PLAC8: variants seen among roughly 807,000 people sequenced by gnomAD.
PLAC8 encodes the protein placenta-specific gene 8 protein.
A neutral mutation model predicts 12.6 loss-of-function variants in PLAC8; 6 were observed. The observed-to-expected ratio is 0.48, with a 90% CI of 0.26 to 0.94. The LOEUF (loss-of-function observed/expected upper bound fraction) is 0.94. PLAC8 is among the 40% of genes least tolerant of loss of function. The pLI, the probability that PLAC8 is intolerant of heterozygous loss-of-function variation, is 0.14. For missense variants in PLAC8, 122 were observed against 152.7 expected (o/e 0.80, Z 1.06); for synonymous variants, 54 against 52.6 (o/e 1.03, Z -0.11).
At chr4:83,093,853 C>T (rs937023816) in intron 4 of PLAC8, 31 of 152,246 alleles carry the variant, frequency 2.0e-4, no homozygotes, top group African/African-American at 6.7e-4. Context: ...ACATTAGTTG[C>T]TAAGATAATA....
At chr4:83,095,371 A>G (rs1731901244) in intron 3 of PLAC8, among the ~76,000 whole-genome samples, 1 of 152,218 alleles carries the variant, frequency 6.6e-6, no homozygotes, top group Non-Finnish European at 1.5e-5. Context: ...CTGGCAAACA[A>G]TTTGGGGTTA....
At chr4:83,097,911 T>C (rs558952568) in intron 3 of PLAC8, among the ~76,000 whole-genome samples, 1 of 144,080 alleles carries the variant, frequency 6.9e-6, no homozygotes, top group South Asian at 2.2e-4. Flanking sequence ...CAGGCTAGAG[T>C]GCAGTGGCGT....
intron 3 of PLAC8, among the ~76,000 whole-genome samples, chr4:83,100,577 A>G (rs1732076733): frequency 6.6e-6 from 1 of 151,858 alleles, no homozygotes; most frequent in South Asian, 2.1e-4. Flanking sequence ...ACTAATACCG[A>G]CAGCAAATTT....
At chr4:83,102,910 C>T (rs923772249) in intron 3 of PLAC8, among the ~76,000 whole-genome samples, 2 of 150,574 alleles carry the variant, frequency 1.3e-5, no homozygotes, top group Non-Finnish European at 3.0e-5. Context: ...CACGGTGAAA[C>T]CCCGTCTCTA....
chr4:83,107,783 G>A (rs1375323087), intron 2 of PLAC8, 21 bp downstream of exon 2: 5 of 1,463,304 alleles, frequency 3.4e-6, no homozygotes, highest in South Asian at 2.3e-5. Context: ...AAATAAGGGG[G>A]TTCTTTCCCC....
intron 1 of PLAC8, chr4:83,109,703 G>C (rs1732358537): frequency 6.6e-6 from 1 of 152,230 alleles, no homozygotes; most frequent in African/African-American, 2.4e-5. Context: ...TCAGGAGGCG[G>C]GGAGTGGGTG....
At chr4:83,111,972 C>T (rs956267390) in intron 1 of PLAC8, among the ~76,000 whole-genome samples, 5 of 151,878 alleles carry the variant, frequency 3.3e-5, no homozygotes, top group South Asian at 2.1e-4. Flanking sequence ...GTCGGGAGTT[C>T]GAGACCAACC....
At chr4:83,096,559 G>A (rs1731931588) in intron 3 of PLAC8, among the ~76,000 whole-genome samples, 1 of 152,116 alleles carries the variant, frequency 6.6e-6, no homozygotes, top group African/African-American at 2.4e-5. Context: ...TCTACCCAAT[G>A]TCACTACCAG....
intron 3 of PLAC8, among the ~76,000 whole-genome samples, chr4:83,097,037 CG>C (rs1301248143): frequency 3.9e-5 from 6 of 152,200 alleles, no homozygotes; most frequent in Non-Finnish European, 8.8e-5. Flanking sequence ...CAGTATAAAA[CG>C]GTACCTTTAA....
intron 1 of PLAC8, among the ~76,000 whole-genome samples, chr4:83,112,297 C>T (rs1415816914): frequency 1.3e-5 from 2 of 151,060 alleles, no homozygotes; most frequent in Non-Finnish European, 2.9e-5. Flanking sequence ...GTGAACATTA[C>T]TTCCTCCATG....
chr4:83,098,342 C>CT (rs768484473), intron 3 of PLAC8, among the ~76,000 whole-genome samples: 2 of 152,162 alleles, frequency 1.3e-5, no homozygotes, highest in African/African-American at 2.4e-5. Flanking sequence ...AATCACACTG[C>CT]TGTGGGGCCA....
At chr4:83,098,944 A>C (rs1234364591) in intron 3 of PLAC8, among the ~76,000 whole-genome samples, 1 of 152,186 alleles carries the variant, frequency 6.6e-6, no homozygotes, top group Non-Finnish European at 1.5e-5. Context: ...TACAAAAATC[A>C]TACAGGAAGC....
intron 3 of PLAC8, among the ~76,000 whole-genome samples, chr4:83,095,276 T>TA (rs1363757353): frequency 6.6e-6 from 1 of 152,164 alleles, no homozygotes; most frequent in Non-Finnish European, 1.5e-5. Flanking sequence ...GTTTAAAAGG[T>TA]AGTAGGACTG....
intron 1 of PLAC8, among the ~76,000 whole-genome samples, chr4:83,109,454 A>G (rs1732349315): frequency 6.6e-6 from 1 of 152,250 alleles, no homozygotes; most frequent in African/African-American, 2.4e-5. Context: ...AGGTTCCAGT[A>G]AGTGAACAAA....
At chr4:83,100,752 G>C (rs1732079818) in intron 3 of PLAC8, among the ~76,000 whole-genome samples, 1 of 152,154 alleles carries the variant, frequency 6.6e-6, no homozygotes, top group Admixed American at 6.5e-5. Flanking sequence ...GAAAGGAAGA[G>C]TCACATATCT....
At position 83,111,539 on chromosome 4, in the gene PLAC8, T is replaced by G. The variant is rs547076482; in HGVS notation, c.-30+3127A>C. Among the ~76,000 whole-genome samples, 234 of 152,238 alleles carry G rather than the reference T, an allele frequency of 1.5e-3. 3 individuals carry two copies. The highest frequency in any genetic ancestry group is 5.3e-3 in the African/African-American group (220 of 41,556). On this transcript the variant is annotated intron_variant, in intron 1 of 4. Transcript: ENST00000311507. ...AGTCATACAAATGATACTATAGCTG[T>G]TTGTATTTTTTTCCCTCTTGGCCCT...
intron 3 of PLAC8, among the ~76,000 whole-genome samples, chr4:83,098,869 T>C (rs1732014817): frequency 6.6e-6 from 1 of 152,118 alleles, no homozygotes; most frequent in Admixed American, 6.5e-5. Flanking sequence ...AATTATAAAT[T>C]ATGTCTCTTT....
intron 3 of PLAC8, among the ~76,000 whole-genome samples, 182 bp from the exon 4 acceptor site, chr4:83,094,973 A>G (rs1277034166): frequency 6.6e-6 from 1 of 152,174 alleles, no homozygotes; most frequent in African/African-American, 2.4e-5. Flanking sequence ...GACGGAAAAT[A>G]TTTTTCTATA....
intron 4 of PLAC8, among the ~76,000 whole-genome samples, chr4:83,092,042 C>T (rs562990595): frequency 6.6e-6 from 1 of 152,220 alleles, no homozygotes. Context: ...CTTGCTCTTT[C>T]TCTCTTGTTT....
Sources: gnomAD v4.1 joint callset for allele counts (sites outside exome capture counted in the v4.1 genomes callset) on GRCh38, gnomAD v4.1.1 for gene constraint, MANE v1.5 for transcripts, NCBI Gene and HGNC (gene_info 2026-07-23, HGNC 2026-07-21) for gene names.